Variants in CYP4A11 observed in about 807,000 individuals in gnomAD.
The protein encoded by CYP4A11 is cytochrome P450 family 4 subfamily A member 11, also known as cytochrome P450 4A11.
In CYP4A11, 52 loss-of-function variants were observed where a neutral mutation model predicts 57.7. That is an observed-to-expected ratio of 0.90 (90% CI 0.72 to 1.14). The LOEUF (loss-of-function observed/expected upper bound fraction) is 1.14, where lower values mean the gene tolerates loss of function less well. CYP4A11 is among the 50% of genes most tolerant of loss of function. The pLI is 0.00. For synonymous variants in CYP4A11, 228 were observed against 247.1 expected, an observed-to-expected ratio of 0.92 and a Z score of 0.72; for missense variants, 641 against 642.1, an observed-to-expected ratio of 1.00 and a Z score of 0.02.
At chr1:46,930,746 A>G (rs756832395) in intron 11 of CYP4A11, among the ~76,000 whole-genome samples, 1 of 152,100 alleles carries the variant, frequency 6.6e-6, no homozygotes, top group Non-Finnish European at 1.5e-5. Context: ...ATGTAGTGGG[A>G]CACACAGGGA....
At chr1:46,937,410 G>A in intron 2 of CYP4A11, 64 bp from the exon 3 acceptor site, 1 of 1,542,508 alleles carries the variant, frequency 6.5e-7, no homozygotes, top group Non-Finnish European at 8.9e-7. Flanking sequence ...CTTAGAGGCT[G>A]CATCAATTCT....
Position 46,934,562 on chromosome 1 carries a change from G to A in CYP4A11, c.791-3C>T. The A allele has an allele frequency of 2.5e-6, 4 of 1,609,792 alleles. No homozygotes were observed. In the South Asian group the frequency reaches 3.3e-5, roughly 13 times the overall value. On this transcript the variant is annotated splice_region_variant and splice_polypyrimidine_tract_variant and intron_variant, in intron 6 of 11. Transcript: ENST00000310638. Reference sequence around the variant, plus strand: ...CTTCCTCAGTTGGATCACTTGGTCTGTACCAGAACAATGGTTACCAGGCAG... The same window carrying A: ...CTTCCTCAGTTGGATCACTTGGTCTATACCAGAACAATGGTTACCAGGCAG...
intron 11 of CYP4A11, 128 bp downstream of exon 11, chr1:46,932,633 C>T (rs934169704): frequency 1.9e-6 from 3 of 1,581,410 alleles, no homozygotes; most frequent in Admixed American, 3.4e-5. Context: ...CCTGACTTTC[C>T]CACAAATACC....
At chr1:46,936,280 G>T (rs1204816312) in intron 4 of CYP4A11, among the ~76,000 whole-genome samples, 1 of 152,232 alleles carries the variant, frequency 6.6e-6, no homozygotes, top group Non-Finnish European at 1.5e-5. Context: ...GAGCCTGGGT[G>T]GGTGACATCT....
intron 8 of CYP4A11, 39 bp downstream of exon 8, chr1:46,934,137 G>A: frequency 1.9e-6 from 3 of 1,609,060 alleles, no homozygotes; most frequent in South Asian, 1.1e-5. Context: ...GGCCCCTGTG[G>A]AGAAGGCAGG....
chr1:46,933,850 C>T (rs1201477453), intron 9 of CYP4A11, 96 bp downstream of exon 9: 2 of 1,539,926 alleles, frequency 1.3e-6, no homozygotes. Flanking sequence ...AAAAGGGAGA[C>T]CCAGAGATGT....
chr1:46,934,259 A>G lies in CYP4A11; in HGVS notation c.1005T>C (p.Tyr335=). 1 of 1,613,468 alleles carries G rather than the reference A, an allele frequency of 6.2e-7. No individual in the cohort carries two copies. Among genetic ancestry groups the G allele is most frequent in the Non-Finnish European group, 8.5e-7 (1 of 1,179,764 alleles). Residue 335 remains tyrosine, a synonymous_variant, in exon 8 of 12, where the codon TAT becomes TAC. Coordinates refer to ENST00000310638, the MANE Select transcript of CYP4A11 (RefSeq NM_000778.4). ...GATGCTTGGGGTGTGTGGCCAGAGC[A>G]TAGAGGATCCAGGAGATCCCACTGG... The part of the protein sequence containing the change: ...TTASGISWIL[Y]ALATHPKHQE...
chr1:46,936,109 T>C (rs1422400470), intron 4 of CYP4A11, among the ~76,000 whole-genome samples: 1 of 152,214 alleles, frequency 6.6e-6, no homozygotes, highest in East Asian at 1.9e-4. Flanking sequence ...TCAATTCTTT[T>C]CCATTCATCA....
At chr1:46,939,041 G>T (rs1453505758) in intron 1 of CYP4A11, among the ~76,000 whole-genome samples, 4 of 152,164 alleles carry the variant, frequency 2.6e-5, no homozygotes, top group African/African-American at 7.2e-5. Flanking sequence ...CCACAGAGCA[G>T]CCACCTCTCC....
rs529891588 is a variant in CYP4A11, at chr1:46,938,677, T to G, written c.196-540A>C. On this transcript the variant is annotated intron_variant, in intron 1 of 11. Transcript: ENST00000310638. ...ATAATAGTATTCTACATGTTGAATA[T>G]GTACAGATTTATGGGATGGAGTCTG... Among the ~76,000 whole-genome samples the G allele has an allele frequency of 3.9e-5, 6 of 152,336 alleles. No individual in the cohort carries two copies. The South Asian group carries it at 1.2e-3, about 32-fold the overall frequency.
chr1:46,936,805 G>A lies in CYP4A11; in HGVS notation c.383-14C>T. The A allele has an allele frequency of 6.5e-7, 1 of 1,550,034 alleles. No homozygotes were observed. Among genetic ancestry groups the A allele is most frequent in the Non-Finnish European group, 8.7e-7 (1 of 1,153,094 alleles). On this transcript the variant is annotated splice_polypyrimidine_tract_variant and intron_variant, in intron 3 of 11. Coordinates refer to ENST00000310638, the MANE Select transcript of CYP4A11 (RefSeq NM_000778.4). ...GCAAGCCGTACCCTAAGAGAGACAT[G>A]AATGTGTGTTTGTGTGTGTGTGTGT...
At chr1:46,937,090 G>A (rs201934350) in intron 3 of CYP4A11, among the ~76,000 whole-genome samples, 139 of 152,334 alleles carry the variant, frequency 9.1e-4, no homozygotes, top group African/African-American at 3.2e-3. Context: ...TGTCTGGAGA[G>A]AACTGAGACA....
In CYP4A11 at chr1:46,935,098, C is replaced by T. The variant is rs761443544; in HGVS notation, c.692G>A (p.Arg231His). 55 of 1,613,954 alleles carry T rather than the reference C, an allele frequency of 3.4e-5. No individual in the cohort carries two copies. In the Middle Eastern group the frequency reaches 4.9e-4, roughly 14 times the overall value. ...ATTCTGGTGAAAGGCATTCCTCACA[C>T]GGGAAAAAACCAGGTTGTTCAGGTC... The part of the protein sequence containing the change: ...ISDLNNLVFS[R>H]VRNAFHQNDT... The change falls in exon 6 of 12, where the codon CGT becomes CAT. Residue 231 changes from arginine (R) to histidine (H), a missense_variant. Arg to His is a conservative substitution (Grantham distance 29). Transcript: ENST00000310638.
At chr1:46,930,479 C>A (rs1680953990) in intron 11 of CYP4A11, among the ~76,000 whole-genome samples, 169 bp from the exon 12 acceptor site, 1 of 152,176 alleles carries the variant, frequency 6.6e-6, no homozygotes, top group African/African-American at 2.4e-5. Flanking sequence ...GTCCTGGCTT[C>A]ACACTATCCC....
intron 3 of CYP4A11, 148 bp from the exon 4 acceptor site, chr1:46,936,939 T>C: frequency 7.1e-7 from 1 of 1,412,372 alleles, no homozygotes; most frequent in East Asian, 2.6e-5. Flanking sequence ...AGCCACGTCA[T>C]GGGCAAATGC....
rs1211676821 is a variant in CYP4A11 at position 46,932,760 on chromosome 1, C to A, written c.1364+1G>T. The A allele has an allele frequency of 3.7e-6, 6 of 1,614,076 alleles. No individual in the cohort carries two copies. The highest frequency in any genetic ancestry group is 5.1e-6 in the Non-Finnish European group (6 of 1,180,052). ...TCGAATTACCACACAGGACGTCTCA[C>A]CTTGATCCTCCTGAGAAGGGCAGGA... On this transcript the variant is annotated splice_donor_variant, in intron 11 of 11. Coordinates refer to ENST00000310638, the MANE Select transcript of CYP4A11 (RefSeq NM_000778.4). LOFTEE classifies it high-confidence loss of function.
At chr1:46,935,752 A>T (rs2269231) in intron 4 of CYP4A11, 105 bp from the exon 5 acceptor site, 1,138,380 of 1,524,684 alleles carry the variant, frequency 0.75, 433,753 homozygotes, top group Non-Finnish European at 0.79. Flanking sequence ...TTCCTGTAGC[A>T]TGCAGATATC....
intron 1 of CYP4A11, chr1:46,940,716 G>A (rs12058738): frequency 0.01 from 10,071 of 985,348 alleles, 118 homozygotes; most frequent in South Asian, 0.051. Context: ...GCAGATCTCT[G>A]CCTCAGATAT....
At chr1:46,933,097 G>A (rs773693289) in intron 9 of CYP4A11, 50 bp from the exon 10 acceptor site, 31 of 1,602,694 alleles carry the variant, frequency 1.9e-5, no homozygotes, top group East Asian at 4.5e-5. Flanking sequence ...TGCATGGGGT[G>A]GCCTGGTACT....
Sources: allele counts gnomAD v4.1 joint callset (sites outside exome capture counted in the v4.1 genomes callset), GRCh38; gene constraint gnomAD v4.1.1; transcripts MANE v1.5; gene names NCBI Gene and HGNC (gene_info 2026-07-23, HGNC 2026-07-21).